The following ACLY variants were observed in gnomAD, a reference collection of about 807,000 sequenced individuals.
The protein encoded by ACLY is ATP-citrate synthase.
In ACLY, 41 loss-of-function variants were observed where a neutral mutation model predicts 133.0. The ratio of observed to expected loss-of-function variants is 0.31; its 90% confidence interval spans 0.24 to 0.40. ACLY has a LOEUF of 0.40. Ranked by LOEUF, ACLY falls within the 10% of genes least tolerant of loss-of-function variation. ACLY has a pLI of 1.00. For missense variants in ACLY, 1,046 were observed against 1,453.8 expected (o/e 0.72, Z 4.56); for synonymous variants, 495 against 549.3 (o/e 0.90, Z 1.38).
In ACLY at chr17:41,869,136, A is replaced by T; in HGVS notation, c.3052-11T>A. On this transcript the variant is annotated splice_polypyrimidine_tract_variant and intron_variant, in intron 26 of 28. Coordinates refer to ENST00000352035, the MANE Select transcript of ACLY (RefSeq NM_001096.3). The stretch of plus-strand genomic sequence containing the variant: ...GATAAGATTTGGCTTCTGGGAAGGC[A>T]AAAAAATTCAAAGCATTTATCATTA... 1 of 1,595,306 alleles carries T rather than the reference A, an allele frequency of 6.3e-7. No individual in the cohort carries two copies. The highest frequency in any genetic ancestry group is 8.6e-7 in the Non-Finnish European group (1 of 1,167,630).
At chr17:41,928,686 T>C (rs1300786582) in intron 1 of ACLY, among the ~76,000 whole-genome samples, 1 of 151,980 alleles carries the variant, frequency 6.6e-6, no homozygotes. Context: ...ACCTCATCTC[T>C]ACTAAAAATA....
At chr17:41,910,824 T>C (rs2049881576) in intron 3 of ACLY, among the ~76,000 whole-genome samples, 1 of 152,152 alleles carries the variant, frequency 6.6e-6, no homozygotes, top group African/African-American at 2.4e-5. Flanking sequence ...GCGGCGGCTG[T>C]GGCGAGACAG....
In ACLY at chr17:41,886,313, G is replaced by T. The variant is rs782589571; in HGVS notation, c.1876-5C>A. 5.6e-6 allele frequency: 9 copies of T among 1,597,886 alleles called. No individual in the cohort carries two copies. The highest frequency in any genetic ancestry group is 1.3e-5 in the African/African-American group (1 of 74,564). On this transcript the variant is annotated splice_region_variant and splice_polypyrimidine_tract_variant and intron_variant, in intron 17 of 28. Coordinates refer to ENST00000352035, the MANE Select transcript of ACLY (RefSeq NM_001096.3). Reference sequence around the variant, plus strand: ...CCCAGGCTTGATGCCTCCAACCTGTGGGGGCAGAAACCACAATCAGGGAGG... The same window carrying T: ...CCCAGGCTTGATGCCTCCAACCTGTTGGGGCAGAAACCACAATCAGGGAGG...
At chr17:41,897,912 C>T (rs1216923142) in intron 12 of ACLY, 73 bp from the exon 13 acceptor site, 2 of 1,364,340 alleles carry the variant, frequency 1.5e-6, no homozygotes, top group African/African-American at 1.5e-5. Flanking sequence ...TCCTTAAAGG[C>T]CCCAAAGAAA....
At chr17:41,875,399 G>A (rs1014742113) in intron 22 of ACLY, among the ~76,000 whole-genome samples, 1 of 142,574 alleles carries the variant, frequency 7.0e-6, no homozygotes, top group Admixed American at 6.9e-5. Flanking sequence ...AGAAATGGGG[G>A]AGCCCCCCTC....
chr17:41,892,419 C>T lies in ACLY; in HGVS notation c.1630G>A (p.Gly544Arg). ...ACAGGGATCAGGATCTCTTTGTGCC[C>T]CCAGTAAAACTTCTGCTTGTGGTCC... ...TGDHKQKFYW[G>R]HKEILIPVFK... The change falls in exon 16 of 29, where the codon GGG becomes AGG. Residue 544 changes from glycine to arginine, a missense_variant. By Grantham distance (125) the Gly-to-Arg change is moderately radical. Around this residue, in one of 4 missense-constraint regions of ACLY, gnomAD observed 575 missense variants for 804.2 expected, o/e 0.71. Transcript: ENST00000352035. 2 of 1,613,580 alleles carry T rather than the reference C, an allele frequency of 1.2e-6. No homozygotes were observed. Among genetic ancestry groups the T allele is most frequent in the Non-Finnish European group, 1.7e-6 (2 of 1,179,928 alleles).
intron 22 of ACLY, 53 bp downstream of exon 22, chr17:41,878,050 T>C (rs115055347): frequency 6.5e-5 from 86 of 1,322,824 alleles, no homozygotes; most frequent in East Asian, 2.7e-4. Context: ...CCCACCACCA[T>C]AGACCCACAG....
chr17:41,922,622 A>T (rs185357575), upstream of ACLY, among the ~76,000 whole-genome samples: 255 of 152,288 alleles, frequency 1.7e-3, 2 homozygotes, highest in East Asian at 0.011. Context: ...TATCCTTCAG[A>T]TATACTTGCG....
At chr17:41,882,156 C>T (rs2048932282) in intron 20 of ACLY, among the ~76,000 whole-genome samples, 1 of 151,862 alleles carries the variant, frequency 6.6e-6, no homozygotes, top group Non-Finnish European at 1.5e-5. Flanking sequence ...ATCACAAGGT[C>T]AGGAGCTCGA....
At chr17:41,904,811 A>C in intron 9 of ACLY, 21 bp from the exon 10 acceptor site, 16 of 1,609,018 alleles carry the variant, frequency 9.9e-6, no homozygotes, top group Non-Finnish European at 1.2e-5. Flanking sequence ...AGTAAGAGAG[A>C]ATCAAAAACA....
At chr17:41,899,626 C>T (rs1280750396) in intron 11 of ACLY, among the ~76,000 whole-genome samples, 2 of 152,160 alleles carry the variant, frequency 1.3e-5, no homozygotes, top group Non-Finnish European at 1.5e-5. Flanking sequence ...TACAGACAGA[C>T]CCCTAGCATC....
chr17:41,897,891 A>G, intron 12 of ACLY, 52 bp from the exon 13 acceptor site: 6 of 1,531,062 alleles, frequency 3.9e-6, no homozygotes, highest in Non-Finnish European at 5.3e-6. Flanking sequence ...ACCTGGGAAA[A>G]AAGCCACTGG....
At chr17:41,881,519 C>T (rs558368305) in intron 20 of ACLY, among the ~76,000 whole-genome samples, 19 of 151,904 alleles carry the variant, frequency 1.3e-4, no homozygotes, top group African/African-American at 2.9e-4. Context: ...GACCTATGCA[C>T]GCCAGACCTT....
intron 10 of ACLY, among the ~76,000 whole-genome samples, chr17:41,902,247 T>C (rs2049562223): frequency 6.6e-6 from 1 of 152,242 alleles, no homozygotes; most frequent in South Asian, 2.1e-4. Context: ...AAATTCTCGC[T>C]CTGTCACCCG....
rs151083494 is a variant in ACLY at position 41,913,844 on chromosome 17, C to G, written c.30G>C (p.Thr10=). The G allele has an allele frequency of 5.0e-6, 8 of 1,614,076 alleles. No homozygotes were observed. The highest frequency in any genetic ancestry group is 1.3e-5 in the African/African-American group (1 of 74,932). ...TGAACTTGTAAAGGAGTTCTTTGCC[C>G]GTCTGCTCTGAAATTGCCTTGGCCG... The part of the protein sequence containing the change: MSAKAISEQ[T]GKELLYKFIC... The change falls in exon 2 of 29, where the codon ACG becomes ACC. Residue 10 remains threonine, a synonymous_variant. Transcript: ENST00000352035.
intron 3 of ACLY, among the ~76,000 whole-genome samples, chr17:41,910,815 C>A (rs188809984): frequency 2.0e-5 from 3 of 152,138 alleles, no homozygotes; most frequent in African/African-American, 4.8e-5. Context: ...GATTCCCTGG[C>A]GGCGGCTGTG....
rs2049833261 is a variant in ACLY, at chr17:41,909,553, T to C, written c.493A>G (p.Ile165Val). 1.9e-6 allele frequency: 3 copies of C among 1,614,228 alleles called. No homozygotes were observed. Among genetic ancestry groups the C allele is most frequent in the South Asian group, 2.2e-5 (2 of 91,086 alleles). Residue 165 changes from isoleucine (I) to valine (V), a missense_variant, in exon 5 of 29, where the codon ATC becomes GTC. Ile to Val is a conservative substitution (Grantham distance 29). Around this residue, in one of 4 missense-constraint regions of ACLY, gnomAD observed 227 missense variants for 245.6 expected, o/e 0.92. Coordinates refer to ENST00000352035, the MANE Select transcript of ACLY (RefSeq NM_001096.3). ...GVDEKLNPED[I>V]KKHLLVHAPE... is the part of the protein sequence containing the mutation. ...GCGTGGACCAACAGGTGTTTTTTGA[T>C]GTCCTCAGGATTCAGTTTCTCATCC...
At chr17:41,906,773 G>A in intron 7 of ACLY, 127 bp from the exon 8 acceptor site, 1 of 799,174 alleles carries the variant, frequency 1.3e-6, no homozygotes, top group Admixed American at 2.1e-5. Context: ...GGAAGAAGGG[G>A]CTACGCAGGG....
chr17:41,905,044 A>T (rs1488603429), intron 9 of ACLY, among the ~76,000 whole-genome samples: 1 of 152,060 alleles, frequency 6.6e-6, no homozygotes, highest in Non-Finnish European at 1.5e-5. Flanking sequence ...ACATCCAAAA[A>T]TCCAGGTTGG....
Sources: allele counts gnomAD v4.1 joint callset (sites outside exome capture counted in the v4.1 genomes callset), GRCh38; gene constraint gnomAD v4.1.1; regional missense constraint gnomAD v4.1.1; transcripts MANE v1.5; gene names NCBI Gene and HGNC (gene_info 2026-07-23, HGNC 2026-07-21).